RASAL2: variants seen among roughly 807,000 people sequenced by gnomAD.
RASAL2 encodes RAS protein activator like 2.
RASAL2 carries 58 observed loss-of-function variants against 128.9 expected under a neutral mutation model. That is an observed-to-expected ratio of 0.45 (90% CI 0.36 to 0.56). The LOEUF (loss-of-function observed/expected upper bound fraction) is 0.56, where lower values mean the gene tolerates loss of function less well. Among genes scored for constraint, RASAL2 ranks in the 20% least tolerant of loss-of-function variants. RASAL2 has a pLI of 0.00. For missense variants in RASAL2, 1,360 were observed against 1,601.6 expected, an observed-to-expected ratio of 0.85 and a Z score of 2.57; for synonymous variants, 561 against 580.8, an observed-to-expected ratio of 0.97 and a Z score of 0.49.
intron 5 of RASAL2, among the ~76,000 whole-genome samples, chr1:178,424,568 TCTC>T (rs1557978621): frequency 6.6e-6 from 1 of 152,118 alleles, no homozygotes; most frequent in Non-Finnish European, 1.5e-5. Context: ...CTTACTTAAT[TCTC>T]CTGCCTCAGC....
intron 1 of RASAL2, among the ~76,000 whole-genome samples, chr1:178,190,211 A>C (rs1207273172): frequency 6.6e-6 from 1 of 152,008 alleles, no homozygotes; most frequent in Non-Finnish European, 1.5e-5. Context: ...TAGCCTGTTT[A>C]TTTTCTTTTT....
At chr1:178,263,023 G>A (rs535579419) in intron 1 of RASAL2, among the ~76,000 whole-genome samples, 2 of 152,204 alleles carry the variant, frequency 1.3e-5, no homozygotes, top group South Asian at 4.1e-4. Flanking sequence ...TATAACTAGA[G>A]TCTGTCTGAT....
chr1:178,377,546 A>G (rs1418666205), intron 3 of RASAL2, among the ~76,000 whole-genome samples: 4 of 152,292 alleles, frequency 2.6e-5, no homozygotes, highest in Non-Finnish European at 5.9e-5. Flanking sequence ...CAAAGTAAAG[A>G]ATTAGAACTG....
intron 1 of RASAL2, among the ~76,000 whole-genome samples, chr1:178,249,707 C>T (rs1353299541): frequency 6.6e-6 from 1 of 152,006 alleles, no homozygotes; most frequent in Non-Finnish European, 1.5e-5. Flanking sequence ...GTCCAATGAC[C>T]TTTGGATGGG....
At chr1:178,213,532 G>A (rs1308046241) in intron 1 of RASAL2, among the ~76,000 whole-genome samples, 7 of 152,168 alleles carry the variant, frequency 4.6e-5, no homozygotes, top group African/African-American at 1.4e-4. Flanking sequence ...ATTATGATAC[G>A]ATGAAATACA....
At chr1:178,221,105 T>C (rs1319957929) in intron 1 of RASAL2, among the ~76,000 whole-genome samples, 1 of 152,238 alleles carries the variant, frequency 6.6e-6, no homozygotes, top group Non-Finnish European at 1.5e-5. Flanking sequence ...GTGTTTAGGA[T>C]TGTTGCCATT....
At chr1:178,467,518 A>T in intron 17 of RASAL2, 97 bp downstream of exon 17, 1 of 989,768 alleles carries the variant, frequency 1.0e-6, no homozygotes, top group South Asian at 1.4e-5. Flanking sequence ...GTACCCAAAA[A>T]TGTGTCATTG....
chr1:178,320,665 C>T (rs368101111), intron 3 of RASAL2, among the ~76,000 whole-genome samples: 11 of 151,036 alleles, frequency 7.3e-5, no homozygotes, highest in African/African-American at 1.7e-4. Flanking sequence ...ACACGGTGCG[C>T]GCACCCACTG....
chr1:178,384,144 ATTC>A (rs1672427999), intron 3 of RASAL2, among the ~76,000 whole-genome samples: 2 of 152,164 alleles, frequency 1.3e-5, no homozygotes, highest in African/African-American at 4.8e-5. Context: ...ATGTTTTATA[ATTC>A]TGTGCAAAAA....
chr1:178,292,827 GCAGGGTC>G (rs1363528086), intron 2 of RASAL2, among the ~76,000 whole-genome samples: 1 of 152,110 alleles, frequency 6.6e-6, no homozygotes, highest in Non-Finnish European at 1.5e-5. Flanking sequence ...AGTCTATTAG[GCAGGGTC>G]CATTTGACTC....
chr1:178,329,679 T>C (rs1669197455), intron 3 of RASAL2, among the ~76,000 whole-genome samples: 2 of 152,032 alleles, frequency 1.3e-5, no homozygotes, highest in Admixed American at 6.6e-5. Context: ...ACTGAAATTA[T>C]ATTCCAAGCT....
In RASAL2 at chr1:178,441,494, CAG is replaced by C. The variant is rs1322434425; in HGVS notation, c.829-52_829-51del. The C allele has an allele frequency of 2.3e-6, 3 of 1,305,234 alleles. No individual in the cohort carries two copies. In the African/African-American group the frequency reaches 4.4e-5, roughly 19 times the overall value. 80.9% of individuals were successfully genotyped at this position (1,305,234 alleles called of 1,614,324 possible). A position where few individuals can be genotyped will look rare whatever the true frequency, so the allele number is the denominator to read the frequency against. ...AGAGGTATGCTGTGAACCCTAATGA[CAG>C]AGCCCTGAAATCCAGTGTTTTCTTT... is the stretch of plus-strand genomic sequence containing the variant. On this transcript the variant is annotated intron_variant, in intron 6 of 17. Transcript: ENST00000367649.
chr1:178,240,480 A>T (rs1664451432), intron 1 of RASAL2, among the ~76,000 whole-genome samples: 1 of 151,634 alleles, frequency 6.6e-6, no homozygotes, highest in African/African-American at 2.4e-5. Context: ...TTTTTTTCTT[A>T]GCCTTAGACT....
At chr1:178,452,994 T>A (rs967910216) in intron 11 of RASAL2, among the ~76,000 whole-genome samples, 1 of 152,092 alleles carries the variant, frequency 6.6e-6, no homozygotes, top group Non-Finnish European at 1.5e-5. Context: ...TATACTGTTA[T>A]CCCAGCAATA....
At chr1:178,150,916 T>C (rs1660891999) in intron 1 of RASAL2, among the ~76,000 whole-genome samples, 1 of 152,198 alleles carries the variant, frequency 6.6e-6, no homozygotes, top group Non-Finnish European at 1.5e-5. Context: ...ATGATTTTTT[T>C]CACTTCTTTT....
intron 15 of RASAL2, among the ~76,000 whole-genome samples, chr1:178,464,831 G>GTTTTTTTTT (rs986789340): frequency 0.031 from 1,197 of 38,152 alleles, 8 homozygotes; most frequent in Non-Finnish European, 0.037. Flanking sequence ...GGTTTTAGTT[G>GTTTTTTTTT]TTTTTTTTTT....
At chr1:178,254,558 T>C (rs535058765) in intron 1 of RASAL2, among the ~76,000 whole-genome samples, 2 of 152,162 alleles carry the variant, frequency 1.3e-5, no homozygotes, top group Admixed American at 6.5e-5. Context: ...AAAAATATGC[T>C]AAGAAAAAGC....
At chr1:178,108,234 C>T (rs1659169908) in intron 1 of RASAL2, among the ~76,000 whole-genome samples, 1 of 151,884 alleles carries the variant, frequency 6.6e-6, no homozygotes, top group Non-Finnish European at 1.5e-5. Flanking sequence ...GCTTATTGGC[C>T]ATTTGTATAT....
intron 3 of RASAL2, among the ~76,000 whole-genome samples, chr1:178,338,202 T>C (rs915483048): frequency 1.3e-5 from 2 of 152,078 alleles, no homozygotes; most frequent in African/African-American, 4.8e-5. Context: ...TGATCTCGGC[T>C]CACTGCAACA....
Sources: allele counts gnomAD v4.1 joint callset (sites outside exome capture counted in the v4.1 genomes callset), GRCh38; gene constraint gnomAD v4.1.1; transcripts MANE v1.5; gene names NCBI Gene and HGNC (gene_info 2026-07-23, HGNC 2026-07-21).